Variants in PHF14 observed in about 807,000 individuals in gnomAD.
The protein encoded by PHF14 is PHD finger protein 14.
PHF14 carries 55 observed loss-of-function variants against 117.9 expected under a neutral mutation model. The ratio of observed to expected loss-of-function variants is 0.47; its 90% CI spans 0.38 to 0.58. The LOEUF is 0.58. Ranked by LOEUF, PHF14 falls within the 20% of genes least tolerant of loss-of-function variation. PHF14 has a pLI of 0.00. For synonymous variants in PHF14, 409 were observed against 368.6 expected (o/e 1.11, Z -1.26); for missense variants, 978 against 1,122.2 (o/e 0.87, Z 1.84).
At chr7:11,046,081 G>T (rs950820868) in intron 13 of PHF14, among the ~76,000 whole-genome samples, 7 of 151,992 alleles carry the variant, frequency 4.6e-5, no homozygotes, top group African/African-American at 1.4e-4. Context: ...GAATAGAGAG[G>T]CTAGTGATGG....
At chr7:11,144,002 A>G (rs1174211726) in intron 17 of PHF14, among the ~76,000 whole-genome samples, 1 of 152,128 alleles carries the variant, frequency 6.6e-6, no homozygotes, top group Admixed American at 6.6e-5. Context: ...TGTAGAACAT[A>G]CCTGGAACTC....
At position 10,983,130 on chromosome 7, in the gene PHF14, C is replaced by G; in HGVS notation, c.871C>G (p.Leu291Val). Residue 291 changes from leucine to valine, a missense_variant, in exon 3 of 18, where the codon CTG becomes GTG. This residue lies in a region of PHF14 where 414 missense variants were observed against 376.4 expected (regional missense o/e 1.10). Transcript: ENST00000634607. ...TGATGAGGAACTGACCAATGATAGCCTGACCCTATCTCAAAGCAAGAGTAA... is the reference window on the plus strand; with the variant it reads ...TGATGAGGAACTGACCAATGATAGCGTGACCCTATCTCAAAGCAAGAGTAA... ...ADDEELTNDS[L>V]TLSQSKSNED... 1 of 1,597,418 alleles carries G rather than the reference C, an allele frequency of 6.3e-7. No homozygotes were observed. Among genetic ancestry groups the G allele is most frequent in the African/African-American group, 1.3e-5 (1 of 74,960 alleles).
Position 10,973,901 on chromosome 7 carries a change from C to G in PHF14, c.-423C>G, listed in dbSNP as rs1745900250. The stretch of plus-strand genomic sequence containing the variant: ...CCTTTTCAGAGCTGTATCCGGGTCG[C>G]TGCTTTCCCTATTGTCTGAGGCAGC... On this transcript the variant is annotated 5_prime_UTR_variant, in exon 1 of 18. Transcript: ENST00000634607. 3 of 173,702 alleles carry G rather than the reference C, an allele frequency of 1.7e-5. No individual in the cohort carries two copies. The highest frequency in any genetic ancestry group is 4.8e-5 in the African/African-American group (2 of 41,738). The allele number at this position is 173,702 out of a possible 1,614,324, so 10.8% of individuals were successfully genotyped here. A position where few individuals can be genotyped will look rare whatever the true frequency, so the allele number is the denominator to read the frequency against.
At chr7:10,999,032 C>A (rs186609756) in intron 4 of PHF14, among the ~76,000 whole-genome samples, 1 of 152,110 alleles carries the variant, frequency 6.6e-6, no homozygotes, top group Non-Finnish European at 1.5e-5. Context: ...AAAGTTCTGG[C>A]GGCACTAGGG....
At position 11,022,984 on chromosome 7, in the gene PHF14, G is replaced by A; in HGVS notation, c.1317+5G>A. The A allele has an allele frequency of 6.6e-7, 1 of 1,510,700 alleles. No homozygotes were observed. The highest frequency in any genetic ancestry group is 1.8e-5 in the Admixed American group (1 of 55,342). 93.6% of individuals were successfully genotyped at this position (1,510,700 alleles called of 1,614,324 possible). ...TATTCCAAATATGGTGCCAAGGTGA[G>A]ACACAAAGCATTTTTGATTGCTTGA... is the stretch of plus-strand genomic sequence containing the variant. On this transcript the variant is annotated splice_donor_5th_base_variant and intron_variant, in intron 6 of 17. Transcript: ENST00000634607.
chr7:10,988,443 A>G (rs1414623187), intron 3 of PHF14, among the ~76,000 whole-genome samples: 1 of 151,792 alleles, frequency 6.6e-6, no homozygotes, highest in African/African-American at 2.4e-5. Flanking sequence ...AATAATTTTA[A>G]TTCCACCAGA....
intron 4 of PHF14, among the ~76,000 whole-genome samples, chr7:11,001,047 A>G (rs757694669): frequency 6.6e-6 from 1 of 151,854 alleles, no homozygotes; most frequent in Non-Finnish European, 1.5e-5. Flanking sequence ...TGCATTTCAC[A>G]TTTGGGTCTG....
intron 16 of PHF14, chr7:11,105,668 T>C (rs13238887): frequency 0.44 from 430,659 of 983,000 alleles, 95,910 homozygotes; most frequent in East Asian, 0.86. Flanking sequence ...AGGATTGTGA[T>C]TTCTAAGATA....
intron 7 of PHF14, among the ~76,000 whole-genome samples, chr7:11,031,769 A>G (rs1278002084): frequency 2.0e-5 from 3 of 152,150 alleles, no homozygotes; most frequent in African/African-American, 7.2e-5. Flanking sequence ...TTTTAAATAA[A>G]TAAGTAAAAA....
At chr7:11,105,232 T>A in intron 16 of PHF14, 1 of 960,546 alleles carries the variant, frequency 1.0e-6, no homozygotes, top group Non-Finnish European at 1.2e-6. Context: ...TTATGCATTG[T>A]TTATAGATCA....
At chr7:11,091,062 G>T (rs1037649719) in intron 16 of PHF14, among the ~76,000 whole-genome samples, 3 of 152,164 alleles carry the variant, frequency 2.0e-5, no homozygotes, top group Non-Finnish European at 2.9e-5. Flanking sequence ...GAAGACAAGG[G>T]ATGATACAAA....
intron 11 of PHF14, among the ~76,000 whole-genome samples, chr7:11,039,498 T>G (rs1469653016): frequency 1.3e-5 from 2 of 152,190 alleles, no homozygotes; most frequent in Non-Finnish European, 2.9e-5. Flanking sequence ...TTTTTAGTAC[T>G]GTGTATATAA....
intron 14 of PHF14, among the ~76,000 whole-genome samples, chr7:11,054,840 T>C (rs1414534194): frequency 2.0e-5 from 3 of 152,170 alleles, no homozygotes; most frequent in Admixed American, 1.3e-4. Flanking sequence ...TACATTATTA[T>C]AGTATTTTTA....
At chr7:11,087,800 A>G (rs1158055913) in intron 16 of PHF14, among the ~76,000 whole-genome samples, 1 of 152,164 alleles carries the variant, frequency 6.6e-6, no homozygotes, top group Non-Finnish European at 1.5e-5. Flanking sequence ...CTTTTCTGGC[A>G]TTGGATAAAC....
intron 16 of PHF14, among the ~76,000 whole-genome samples, chr7:11,095,283 G>A (rs977919477): frequency 1.3e-5 from 2 of 152,142 alleles, no homozygotes; most frequent in Non-Finnish European, 2.9e-5. Context: ...GAAAACTGAG[G>A]CAAGTGGAGA....
intron 16 of PHF14, among the ~76,000 whole-genome samples, chr7:11,082,673 C>T (rs931860752): frequency 6.6e-6 from 1 of 152,178 alleles, no homozygotes; most frequent in African/African-American, 2.4e-5. Flanking sequence ...ACTAAACATA[C>T]TCAGTTTATC....
intron 11 of PHF14, among the ~76,000 whole-genome samples, chr7:11,040,451 A>T (rs1365991292): frequency 6.6e-6 from 1 of 152,028 alleles, no homozygotes; most frequent in Non-Finnish European, 1.5e-5. Flanking sequence ...GTTTTAGTGT[A>T]CCACTGAAAA....
chr7:11,097,034 C>T (rs1333252819), intron 16 of PHF14, among the ~76,000 whole-genome samples: 2 of 137,410 alleles, frequency 1.5e-5, no homozygotes, highest in Non-Finnish European at 3.0e-5. Flanking sequence ...GGCTGGAGTG[C>T]AATGGCACGA....
At chr7:11,056,766 CATATA>C (rs1347857669) in intron 14 of PHF14, among the ~76,000 whole-genome samples, 6 of 148,678 alleles carry the variant, frequency 4.0e-5, no homozygotes, top group Admixed American at 2.0e-4. Context: ...TATATTGCTA[CATATA>C]ATATATGCTA....
Sources: allele counts gnomAD v4.1 joint callset (sites outside exome capture counted in the v4.1 genomes callset), GRCh38; gene constraint gnomAD v4.1.1; regional missense constraint gnomAD v4.1.1; transcripts MANE v1.5; gene names NCBI Gene and HGNC (gene_info 2026-07-23, HGNC 2026-07-21).